The following PIGU variants were observed in gnomAD, a reference collection of about 807,000 sequenced individuals.
The protein encoded by PIGU is phosphatidylinositol glycan anchor biosynthesis class U.
A neutral mutation model predicts 49.9 loss-of-function variants in PIGU; 24 were observed. The observed-to-expected ratio is 0.48, with a 90% CI of 0.35 to 0.68. The LOEUF (loss-of-function observed/expected upper bound fraction) is 0.68. PIGU is among the 30% of genes least tolerant of loss of function. PIGU has a pLI of 0.01. For synonymous variants in PIGU, 220 were observed against 205.7 expected, an observed-to-expected ratio of 1.07 and a Z score of -0.59; for missense variants, 490 against 532.6, an observed-to-expected ratio of 0.92 and a Z score of 0.79.
chr20:34,599,049 A>G (rs1436182599), intron 7 of PIGU, among the ~76,000 whole-genome samples: 3 of 152,092 alleles, frequency 2.0e-5, no homozygotes. Context: ...CTTGCTCTGT[A>G]GCTCATAAGC....
intron 7 of PIGU, among the ~76,000 whole-genome samples, chr20:34,609,510 A>G (rs559653196): frequency 6.6e-6 from 1 of 152,114 alleles, no homozygotes; most frequent in Admixed American, 6.6e-5. Flanking sequence ...GACTGCAGGC[A>G]CATGTCACCA....
intron 7 of PIGU, among the ~76,000 whole-genome samples, chr20:34,595,342 G>T (rs537117193): frequency 6.6e-6 from 1 of 152,240 alleles, no homozygotes; most frequent in East Asian, 1.9e-4. Flanking sequence ...TACAGTATAA[G>T]AACTATTTAC....
In PIGU at chr20:34,575,266, C is replaced by T. The variant is rs755740173; in HGVS notation, c.1052-20G>A. The stretch of plus-strand genomic sequence containing the variant: ...TCAGGACTGCAAAGACAGAGGGTTA[C>T]AGTTAGCCTGACACGCTCTCTCTGG... On this transcript the variant is annotated intron_variant, in intron 10 of 11. Coordinates refer to ENST00000217446, the MANE Select transcript of PIGU (RefSeq NM_080476.5). 3.3e-5 allele frequency: 53 copies of T among 1,611,388 alleles called. No individual in the cohort carries two copies. The highest frequency in any genetic ancestry group is 4.2e-5 in the Non-Finnish European group (49 of 1,178,298).
At chr20:34,580,604 T>G (rs1408420636) in intron 10 of PIGU, among the ~76,000 whole-genome samples, 1 of 152,158 alleles carries the variant, frequency 6.6e-6, no homozygotes, top group Non-Finnish European at 1.5e-5. Flanking sequence ...ACAGCTCCCT[T>G]CCATGCCTCG....
At chr20:34,572,576 C>G (rs1417600694) in intron 11 of PIGU, among the ~76,000 whole-genome samples, 2 of 152,070 alleles carry the variant, frequency 1.3e-5, no homozygotes, top group Non-Finnish European at 2.9e-5. Flanking sequence ...ATTGCTTGAA[C>G]CCAGGAGGTG....
At chr20:34,649,338 A>G (rs1335981229) in intron 2 of PIGU, among the ~76,000 whole-genome samples, 2 of 148,852 alleles carry the variant, frequency 1.3e-5, no homozygotes, top group East Asian at 3.9e-4. Flanking sequence ...CCATTCTAGA[A>G]CTCCACTGAT....
intron 1 of PIGU, among the ~76,000 whole-genome samples, chr20:34,674,265 T>C (rs1987417465): frequency 7.0e-6 from 1 of 142,964 alleles, no homozygotes; most frequent in African/African-American, 2.6e-5. Flanking sequence ...TGAGACGAGA[T>C]AACAGCCTGA....
intron 1 of PIGU, among the ~76,000 whole-genome samples, chr20:34,666,687 C>CTTTTTT (rs918644106): frequency 2.2e-5 from 2 of 90,606 alleles, no homozygotes; most frequent in African/African-American, 4.4e-5. Context: ...CTGACTAATT[C>CTTTTTT]TTTTTTTTTT....
chr20:34,601,041 G>GA (rs11167240), intron 7 of PIGU, among the ~76,000 whole-genome samples: 54,123 of 137,956 alleles, frequency 0.39, 10,097 homozygotes, highest in Admixed American at 0.55. Flanking sequence ...TCTCAAAAAA[G>GA]AAAAAAAAAA....
intron 11 of PIGU, among the ~76,000 whole-genome samples, chr20:34,571,191 C>T (rs1050775442): frequency 6.6e-6 from 1 of 152,194 alleles, no homozygotes; most frequent in African/African-American, 2.4e-5. Flanking sequence ...GGCGCACCCC[C>T]CACCATGGAT....
intron 11 of PIGU, among the ~76,000 whole-genome samples, chr20:34,574,337 CT>C (rs1303204855): frequency 6.6e-6 from 1 of 152,208 alleles, no homozygotes; most frequent in Non-Finnish European, 1.5e-5. Context: ...GAGAACCTGG[CT>C]TTTTAAAACA....
chr20:34,566,856 C>G (rs758011411), intron 11 of PIGU, among the ~76,000 whole-genome samples: 17 of 152,190 alleles, frequency 1.1e-4, no homozygotes, highest in Admixed American at 7.2e-4. Flanking sequence ...TACCTTTACA[C>G]CCTGCGGAGT....
intron 11 of PIGU, among the ~76,000 whole-genome samples, chr20:34,574,539 C>T (rs1044305946): frequency 6.6e-6 from 1 of 152,118 alleles, no homozygotes; most frequent in African/African-American, 2.4e-5. Flanking sequence ...GTGACCACAG[C>T]CTCCTCTCCA....
intron 2 of PIGU, among the ~76,000 whole-genome samples, chr20:34,646,531 C>T (rs547755373): frequency 9.4e-4 from 143 of 152,184 alleles, no homozygotes; most frequent in African/African-American, 3.3e-3. Context: ...GCCTCAGCCT[C>T]CCAAGTAGCT....
At position 34,639,804 on chromosome 20, in the gene PIGU, G is replaced by A. The variant is rs73105090; in HGVS notation, c.319-1819C>T. Among the ~76,000 whole-genome samples the A allele has an allele frequency of 8.6e-3, 1,305 of 152,256 alleles. 25 individuals carry two copies. Among genetic ancestry groups the A allele is most frequent in the African/African-American group, 0.029 (1,219 of 41,536 alleles). The stretch of plus-strand genomic sequence containing the variant: ...ACAGTTGGCAGAGTCCAAGTTAAGC[G>A]GTGGGAATTATCAGTAAGATTTATG... On this transcript the variant is annotated intron_variant, in intron 4 of 11. Coordinates refer to ENST00000217446, the MANE Select transcript of PIGU (RefSeq NM_080476.5).
chr20:34,674,684 T>G (rs1987437013), intron 1 of PIGU, among the ~76,000 whole-genome samples: 1 of 152,024 alleles, frequency 6.6e-6, no homozygotes, highest in South Asian at 2.1e-4. Context: ...CCCAGCACTT[T>G]GAGAGACCCA....
At chr20:34,649,572 G>C (rs1010454828) in intron 2 of PIGU, among the ~76,000 whole-genome samples, 14 of 150,580 alleles carry the variant, frequency 9.3e-5, no homozygotes, top group African/African-American at 3.4e-4. Context: ...CCAGGTTGAA[G>C]TGCAGTGGCG....
intron 6 of PIGU, among the ~76,000 whole-genome samples, chr20:34,627,469 C>CAA (rs576625704): frequency 7.0e-6 from 1 of 142,170 alleles, no homozygotes; most frequent in South Asian, 2.2e-4. Context: ...CTCTGTGGAA[C>CAA]AAAAAAAAAA....
intron 7 of PIGU, among the ~76,000 whole-genome samples, chr20:34,589,642 C>T (rs1231976680): frequency 7.1e-6 from 1 of 141,214 alleles, no homozygotes; most frequent in African/African-American, 2.6e-5. Context: ...TGAGCCACTG[C>T]ACCTGGCTTT....
Sources: allele counts gnomAD v4.1 joint callset (sites outside exome capture counted in the v4.1 genomes callset), GRCh38; gene constraint gnomAD v4.1.1; transcripts MANE v1.5; gene names NCBI Gene and HGNC (gene_info 2026-07-23, HGNC 2026-07-21).